VPS33B: variants seen among roughly 807,000 people sequenced by gnomAD.
VPS33B encodes vacuolar protein sorting-associated protein 33B.
A neutral mutation model predicts 95.3 loss-of-function variants in VPS33B; 80 were observed. The observed-to-expected ratio is 0.84, with a 90% CI of 0.70 to 1.01. The LOEUF is 1.01. VPS33B is among the 50% of genes least tolerant of loss of function. The pLI, the probability that VPS33B is intolerant of heterozygous loss-of-function variation, is 0.00. For missense variants in VPS33B, 715 were observed against 773.4 expected, an observed-to-expected ratio of 0.92 and a Z score of 0.90; for synonymous variants, 280 against 280.4, an observed-to-expected ratio of 1.00 and a Z score of 0.01.
Position 91,009,300 on chromosome 15 carries a change from C to CTTTCTT in VPS33B, c.403+500_403+501insAAGAAA, listed in dbSNP as rs1555459364. 1.3e-5 allele frequency among the ~76,000 whole-genome samples: 2 copies of CTTTCTT among 150,546 alleles called. No homozygotes were observed. Among genetic ancestry groups the CTTTCTT allele is most frequent in the Non-Finnish European group, 2.9e-5 (2 of 67,836 alleles). Reference sequence around the variant, plus strand: ...CTTTTCTTTTATTTTCTTTCTCTCTCTCTTTCTTTCTTCCTTCCTTCCTTT... The same window carrying CTTTCTT: ...CTTTTCTTTTATTTTCTTTCTCTCTCTTTCTTTCTTTCTTTCTTCCTTCCTTCCTTT... On this transcript the variant is annotated intron_variant, in intron 6 of 22. Coordinates refer to ENST00000333371, the MANE Select transcript of VPS33B (RefSeq NM_018668.5). The surrounding 1 kb of genome is among the most constrained non-coding windows in gnomAD (Gnocchi z 4.1).
rs1031430506 is a variant in VPS33B at position 91,000,384 on chromosome 15, A to G, written c.1581+106T>C. 3 of 1,067,782 alleles carry G rather than the reference A, an allele frequency of 2.8e-6. No homozygotes were observed. Among genetic ancestry groups the G allele is most frequent in the Non-Finnish European group, 4.0e-6 (3 of 740,764 alleles). 66.1% of individuals were successfully genotyped at this position (1,067,782 alleles called of 1,614,324 possible). ...CGCACTCCAGCCTGGGTGACAGAGC[A>G]AGACTCCATCTCAAATAAAAAAAAA... On this transcript the variant is annotated intron_variant, in intron 20 of 22. Coordinates refer to ENST00000333371, the MANE Select transcript of VPS33B (RefSeq NM_018668.5). This position sits in a 1 kb window ranked among gnomAD's most constrained non-coding sequence, Gnocchi z 4.9.
Position 91,002,312 on chromosome 15 carries a change from A to G in VPS33B, c.1273-130T>C, listed in dbSNP as rs2040462174. The stretch of plus-strand genomic sequence containing the variant: ...GTGAAGGAGCTCACACTTTGTTGAG[A>G]TAAATTTTCACATCAGAAATAACCA... On this transcript the variant is annotated intron_variant, in intron 17 of 22. Transcript: ENST00000333371. The surrounding 1 kb of genome is among the most constrained non-coding windows in gnomAD (Gnocchi z 4.7). The G allele has an allele frequency of 1.5e-6, 2 of 1,350,354 alleles. No homozygotes were observed. The highest frequency in any genetic ancestry group is 4.0e-5 in the Admixed American group (2 of 50,126). 83.6% of individuals were successfully genotyped at this position (1,350,354 alleles called of 1,614,324 possible).
At position 91,006,831 on chromosome 15, in the gene VPS33B, C is replaced by T. The variant is rs925720859; in HGVS notation, c.701-102G>A. On this transcript the variant is annotated intron_variant, in intron 9 of 22. Coordinates refer to ENST00000333371, the MANE Select transcript of VPS33B (RefSeq NM_018668.5). This position sits in a 1 kb window ranked among gnomAD's most constrained non-coding sequence, Gnocchi z 5.4. ...TACTTTCCATAGGGCCAAGGACCCA[C>T]GCTCCTCAAAGCTGGGATTCACAGC... 64 of 1,580,368 alleles carry T rather than the reference C, an allele frequency of 4.0e-5. No homozygotes were observed. Among genetic ancestry groups the T allele is most frequent in the Middle Eastern group, 1.7e-4 (1 of 6,036 alleles).
At chr15:91,004,966 C>G (rs770519096) in intron 15 of VPS33B, 35 bp from the exon 16 acceptor site, 2 of 1,614,208 alleles carry the variant, frequency 1.2e-6, no homozygotes, top group South Asian at 2.2e-5. Context: ...AGAATTGAAG[C>G]TTCACAACAC....
rs765113299 is a variant in VPS33B at position 90,999,727 on chromosome 15, C to T, written c.1724G>A (p.Gly575Asp). 6.2e-7 allele frequency: 1 copy of T among 1,614,138 alleles called. No individual in the cohort carries two copies. The highest frequency in any genetic ancestry group is 1.1e-5 in the South Asian group (1 of 91,078). Residue 575 changes from glycine (G) to aspartate (D), a missense_variant, in exon 22 of 23, where the codon GGT (glycine) becomes GAT (aspartate). Physicochemically the swap from Gly to Asp is moderately conservative, Grantham distance 94. Coordinates refer to ENST00000333371, the MANE Select transcript of VPS33B (RefSeq NM_018668.5). This position sits in a 1 kb window ranked among gnomAD's most constrained non-coding sequence, Gnocchi z 5.1. ...LRLILVVFLG[G>D]CTFSEISALR... ...GGCTGAGATCTCAGAGAATGTACAA[C>T]CACCCAAGAACACCACCAAGATGAG...
In VPS33B at chr15:90,999,017, G is replaced by C; in HGVS notation, c.1812C>G (p.Asn604Lys). Residue 604 changes from asparagine (N) to lysine (K), a missense_variant, in exon 23 of 23, where the codon AAC (asparagine) becomes AAG (lysine). Coordinates refer to ENST00000333371, the MANE Select transcript of VPS33B (RefSeq NM_018668.5). The surrounding 1 kb of genome is among the most constrained non-coding windows in gnomAD (Gnocchi z 5.1). Reference sequence around the variant, plus strand: ...TCATGGCCTCCATAAGGCGAGCGCTGTTTGTGACTGCTGTCGTCAGGAAAA... The same window carrying C: ...TCATGGCCTCCATAAGGCGAGCGCTCTTTGTGACTGCTGTCGTCAGGAAAA... ...RFIFLTTAVT[N>K]SARLMEAMSE... is the part of the protein sequence containing the mutation. The C allele has an allele frequency of 6.2e-7, 1 of 1,614,198 alleles. No individual in the cohort carries two copies. Among genetic ancestry groups the C allele is most frequent in the South Asian group, 1.1e-5 (1 of 91,074 alleles).
At chr15:91,020,041 G>C (rs2041059361) in intron 1 of VPS33B, among the ~76,000 whole-genome samples, 1 of 152,130 alleles carries the variant, frequency 6.6e-6, no homozygotes, top group Admixed American at 6.5e-5. Context: ...CCAACCTCAG[G>C]TGATCTGCCT....
chr15:91,017,367 A>AATATATATAT lies in VPS33B; in HGVS notation c.178-353_178-344dup, dbSNP rs1159663715. The stretch of plus-strand genomic sequence containing the variant: ...ACAAGACTCCATCTCTACAAAATTA[A>AATATATATAT]ATATATATATATATATATATATATA... On this transcript the variant is annotated intron_variant, in intron 2 of 22. Transcript: ENST00000333371. Among the ~76,000 whole-genome samples the AATATATATAT allele has an allele frequency of 2.4e-3, 38 of 15,826 alleles. 1 individual carries two copies. The highest frequency in any genetic ancestry group is 3.7e-3 in the South Asian group (1 of 270). 10.4% of individuals were successfully genotyped at this position (15,826 alleles called of 152,430 possible).
Position 91,000,798 on chromosome 15 carries a change from A to G in VPS33B, c.1480-207T>C, listed in dbSNP as rs930315840. On this transcript the variant is annotated intron_variant, in intron 19 of 22. Coordinates refer to ENST00000333371, the MANE Select transcript of VPS33B (RefSeq NM_018668.5). This position sits in a 1 kb window ranked among gnomAD's most constrained non-coding sequence, Gnocchi z 4.9. ...TCTCTGGAATGAGTTCCCATGCGCC[A>G]TTATTGAATAATGTAAAGGGGCTGG... 3.3e-5 allele frequency: 18 copies of G among 540,056 alleles called. No homozygotes were observed. The highest frequency in any genetic ancestry group is 1.1e-3 in the Middle Eastern group (2 of 1,892). The allele number at this position is 540,056 out of a possible 1,614,324, so 33.5% of individuals were successfully genotyped here.
intron 16 of VPS33B, among the ~76,000 whole-genome samples, chr15:91,003,708 G>A (rs1023134725): frequency 1.3e-5 from 2 of 152,152 alleles, no homozygotes; most frequent in African/African-American, 4.8e-5. Flanking sequence ...AAAGTGCTAG[G>A]ATTACAGGCA....
intron 1 of VPS33B, among the ~76,000 whole-genome samples, chr15:91,020,935 T>C (rs1459750021): frequency 6.6e-6 from 1 of 151,902 alleles, no homozygotes; most frequent in Non-Finnish European, 1.5e-5. Context: ...TGCCCTGCAG[T>C]TCTCATCTTG....
chr15:91,000,588 G>C lies in VPS33B; in HGVS notation c.1483C>G (p.Pro495Ala). The C allele has an allele frequency of 6.2e-7, 1 of 1,612,076 alleles. No individual in the cohort carries two copies. The highest frequency in any genetic ancestry group is 8.5e-7 in the Non-Finnish European group (1 of 1,178,790). Residue 495 changes from proline to alanine, a missense_variant, in exon 20 of 23, where the codon CCA becomes GCA. By Grantham distance (27) the Pro-to-Ala change is conservative (BLOSUM62 -1). Transcript: ENST00000333371. This position sits in a 1 kb window ranked among gnomAD's most constrained non-coding sequence, Gnocchi z 4.9. The stretch of plus-strand genomic sequence containing the variant: ...AGATCATACTCGCCGTCCACACGTG[G>C]GATCTGTAAGACAAAGGGACTTCAT... ...RAISKKLNLIPRVDGEYDLKV... is the reference protein window; with the variant it reads ...RAISKKLNLIARVDGEYDLKV...
At chr15:91,017,973 C>T (rs1236153485) in intron 1 of VPS33B, 88 bp from the exon 2 acceptor site, 2 of 1,248,910 alleles carry the variant, frequency 1.6e-6, no homozygotes, top group African/African-American at 1.5e-5. Context: ...CTAACAGAAA[C>T]AGTCTCTGAG....
Position 91,007,094 on chromosome 15 carries a change from C to A in VPS33B, c.604-48G>T, listed in dbSNP as rs1347080476. The A allele has an allele frequency of 3.1e-6, 5 of 1,590,880 alleles. No homozygotes were observed. The Middle Eastern group carries it at 5.0e-4, about 160-fold the overall frequency. On this transcript the variant is annotated intron_variant, in intron 8 of 22. Transcript: ENST00000333371. The surrounding 1 kb of genome is among the most constrained non-coding windows in gnomAD (Gnocchi z 5.3). Reference sequence around the variant, plus strand: ...CAGTCTTGTGTCCAGGTCCCTACTGCAGCCCCATACCTACAGAAGTCAGCC... The same window carrying A: ...CAGTCTTGTGTCCAGGTCCCTACTGAAGCCCCATACCTACAGAAGTCAGCC...
In VPS33B at chr15:91,005,330, C is replaced by T; in HGVS notation, c.1105+50G>A. The T allele has an allele frequency of 1.2e-6, 2 of 1,614,012 alleles. No individual in the cohort carries two copies. Among genetic ancestry groups the T allele is most frequent in the Non-Finnish European group, 8.5e-7 (1 of 1,179,992 alleles). The stretch of plus-strand genomic sequence containing the variant: ...TTTAAGGGTGGGACGGGGCTGGGAG[C>T]TGGGGAAGTAGAAGCGTGGGCAGTA... On this transcript the variant is annotated intron_variant, in intron 14 of 22. Transcript: ENST00000333371. The surrounding 1 kb of genome is among the most constrained non-coding windows in gnomAD (Gnocchi z 6.4).
Position 90,999,484 on chromosome 15 carries a change from A to G in VPS33B, c.1774+193T>C. On this transcript the variant is annotated intron_variant, in intron 22 of 22. Coordinates refer to ENST00000333371, the MANE Select transcript of VPS33B (RefSeq NM_018668.5). The surrounding 1 kb of genome is among the most constrained non-coding windows in gnomAD (Gnocchi z 5.1). ...CAGGCACCGGCCACCATGCCTGGCTAATTTTTGTATTTTTCGTAGAGATGG... is the reference window on the plus strand; with the variant it reads ...CAGGCACCGGCCACCATGCCTGGCTGATTTTTGTATTTTTCGTAGAGATGG... 4.4e-6 allele frequency: 3 copies of G among 678,070 alleles called. No individual in the cohort carries two copies. The highest frequency in any genetic ancestry group is 5.3e-6 in the Non-Finnish European group (2 of 375,424). The allele number at this position is 678,070 out of a possible 1,614,324, so 42.0% of individuals were successfully genotyped here. A position where few individuals can be genotyped will look rare whatever the true frequency, so the allele number is the denominator to read the frequency against.
rs2040623520 is a variant in VPS33B, at chr15:91,006,882, C to T, written c.700+68G>A. ...CCTAACTTTAGGATTTTAACTTTGC[C>T]ACCACGCCTTCCATATTCCCGTGTC... On this transcript the variant is annotated intron_variant, in intron 9 of 22. Coordinates refer to ENST00000333371, the MANE Select transcript of VPS33B (RefSeq NM_018668.5). The surrounding 1 kb of genome is among the most constrained non-coding windows in gnomAD (Gnocchi z 5.4). 2.5e-6 allele frequency: 4 copies of T among 1,607,054 alleles called. No individual in the cohort carries two copies. The Admixed American group carries it at 6.7e-5, about 27-fold the overall frequency.
Position 91,006,430 on chromosome 15 carries a change from C to G in VPS33B, c.794G>C (p.Gly265Ala), listed in dbSNP as rs576023369. The change falls in exon 11 of 23, where the codon GGC becomes GCC. Residue 265 changes from glycine to alanine, a missense_variant. Transcript: ENST00000333371. This position sits in a 1 kb window ranked among gnomAD's most constrained non-coding sequence, Gnocchi z 5.4. ...FRIKCGSVDF[G>A]PEVTSSDKSL... ...CTTGTCAGAGGATGTGACTTCTGGGCCAAAGTCGACACTCCCTTTGAGAGC... is the reference window on the plus strand; with the variant it reads ...CTTGTCAGAGGATGTGACTTCTGGGGCAAAGTCGACACTCCCTTTGAGAGC... 7.4e-6 allele frequency: 12 copies of G among 1,614,184 alleles called. No homozygotes were observed. Among genetic ancestry groups the G allele is most frequent in the Admixed American group, 5.0e-5 (3 of 60,026 alleles).
chr15:91,001,901 T>TATA, intron 18 of VPS33B, 149 bp downstream of exon 18: 1 of 1,297,310 alleles, frequency 7.7e-7, no homozygotes, highest in African/African-American at 1.5e-5. Context: ...CTGCTCTTAC[T>TATA]AGCAGAAGTA....
Sources: gnomAD v4.1 joint callset for allele counts (sites outside exome capture counted in the v4.1 genomes callset) on GRCh38, gnomAD v4.1.1 for gene constraint, Gnocchi (gnomAD v3.1) non-coding constraint, MANE v1.5 for transcripts, NCBI Gene and HGNC (gene_info 2026-07-23, HGNC 2026-07-21) for gene names.